STX8: variants seen among roughly 807,000 people sequenced by gnomAD.
The protein encoded by STX8 is syntaxin-8.
In STX8, 23 loss-of-function variants were observed where a neutral mutation model predicts 37.5. That is an observed-to-expected ratio of 0.61 (90% confidence interval 0.44 to 0.87). STX8 has a LOEUF of 0.87. Among genes scored for constraint, STX8 ranks in the 40% least tolerant of loss-of-function variants. The pLI, the probability that STX8 is intolerant of heterozygous loss-of-function variation, is 0.00. For missense variants in STX8, 313 were observed against 284.7 expected, an observed-to-expected ratio of 1.10 and a Z score of -0.71; for synonymous variants, 115 against 99.1, an observed-to-expected ratio of 1.16 and a Z score of -0.95.
chr17:9,252,708 T>C (rs939437897), intron 7 of STX8, among the ~76,000 whole-genome samples: 1 of 151,920 alleles, frequency 6.6e-6, no homozygotes, highest in African/African-American at 2.4e-5. Flanking sequence ...TGATATGGGC[T>C]CTTTCTCTGA....
At chr17:9,547,210 T>G (rs1289590643) in intron 3 of STX8, 6 of 145,474 alleles carry the variant, frequency 4.1e-5, no homozygotes, top group African/African-American at 1.6e-4. Context: ...ATCGCGCCAC[T>G]GCGCTCCAGC....
chr17:9,274,744 CTTTTTTCTTTTTTTTTTT>C lies in STX8; in HGVS notation c.644-24117_644-24100del, dbSNP rs1907607510. Among the ~76,000 whole-genome samples the C allele has an allele frequency of 2.3e-5, 2 of 88,884 alleles. 1 individual carries two copies. Among genetic ancestry groups the C allele is most frequent in the African/African-American group, 7.4e-5 (2 of 26,898 alleles). 58.3% of individuals were successfully genotyped at this position (88,884 alleles called of 152,430 possible). A position where few individuals can be genotyped will look rare whatever the true frequency, so the allele number is the denominator to read the frequency against. ...AAAGTCTTCAAAAATACAACAATTT[CTTTTTTCTTTTTTTTTTT>C]TTTTTTTGAGACGGAGTCTCGCTCT... is the stretch of plus-strand genomic sequence containing the variant. On this transcript the variant is annotated intron_variant, in intron 7 of 7. Coordinates refer to ENST00000306357, the MANE Select transcript of STX8 (RefSeq NM_004853.3).
chr17:9,489,366 T>C (rs1021879336), intron 6 of STX8, among the ~76,000 whole-genome samples: 11 of 152,180 alleles, frequency 7.2e-5, no homozygotes, highest in African/African-American at 2.7e-4. Context: ...GTGATTCTAA[T>C]ATGCAGCAAA....
At chr17:9,305,253 T>C (rs1908938529) in intron 7 of STX8, among the ~76,000 whole-genome samples, 1 of 151,872 alleles carries the variant, frequency 6.6e-6, no homozygotes, top group Non-Finnish European at 1.5e-5. Context: ...CCACCACGCC[T>C]GGCTAATTTT....
rs552786340 is a variant in STX8 at position 9,250,797 on chromosome 17, G to A, written c.644-152C>T. ...AGAGAGGTGGTCGGTGGCCTGGGGC[G>A]CCGCTGCTGCTACACAGCTCTGGCT... is the stretch of plus-strand genomic sequence containing the variant. On this transcript the variant is annotated intron_variant, in intron 7 of 7. Coordinates refer to ENST00000306357, the MANE Select transcript of STX8 (RefSeq NM_004853.3). 88 of 760,166 alleles carry A rather than the reference G, an allele frequency of 1.2e-4. 1 individual carries two copies. Among genetic ancestry groups the A allele is most frequent in the Admixed American group, 2.0e-4 (9 of 45,054 alleles). The allele number at this position is 760,166 out of a possible 1,614,324, so 47.1% of individuals were successfully genotyped here.
At chr17:9,562,196 G>A (rs886187524) in intron 2 of STX8, among the ~76,000 whole-genome samples, 3 of 151,928 alleles carry the variant, frequency 2.0e-5, no homozygotes, top group Non-Finnish European at 4.4e-5. Context: ...AAGGTCAGGA[G>A]ATCGAGATCA....
At chr17:9,304,915 GA>G (rs1200902556) in intron 7 of STX8, among the ~76,000 whole-genome samples, 3,390 of 134,520 alleles carry the variant, frequency 0.025, 114 homozygotes, top group African/African-American at 0.091. Flanking sequence ...ATATATGGGC[GA>G]AAAAAAAAAT....
chr17:9,395,719 G>A (rs1912377839), intron 6 of STX8, among the ~76,000 whole-genome samples: 1 of 152,044 alleles, frequency 6.6e-6, no homozygotes, highest in South Asian at 2.1e-4. Context: ...GCCTTCTCTT[G>A]GAAGCAAATA....
chr17:9,401,385 T>C (rs1209634043), intron 6 of STX8, among the ~76,000 whole-genome samples: 1 of 152,190 alleles, frequency 6.6e-6, no homozygotes, highest in African/African-American at 2.4e-5. Flanking sequence ...GGTAATACAA[T>C]TTTGAAGCAC....
At chr17:9,452,035 A>G (rs1246027890) in intron 6 of STX8, among the ~76,000 whole-genome samples, 1 of 152,246 alleles carries the variant, frequency 6.6e-6, no homozygotes. Context: ...TACTGGAGTC[A>G]AATAATAATG....
At chr17:9,395,295 A>C (rs1487870990) in intron 6 of STX8, among the ~76,000 whole-genome samples, 1 of 152,024 alleles carries the variant, frequency 6.6e-6, no homozygotes, top group African/African-American at 2.4e-5. Context: ...GGAATCCTAA[A>C]TTGTGCTTAA....
chr17:9,258,479 T>A (rs1340128329), intron 7 of STX8, among the ~76,000 whole-genome samples: 2 of 152,204 alleles, frequency 1.3e-5, no homozygotes, highest in Non-Finnish European at 2.9e-5. Flanking sequence ...TGTGCTCTGC[T>A]GGGGGACCCA....
At chr17:9,319,763 C>T (rs1327878487) in intron 7 of STX8, among the ~76,000 whole-genome samples, 1 of 151,202 alleles carries the variant, frequency 6.6e-6, no homozygotes, top group Non-Finnish European at 1.5e-5. Context: ...CCAGCCTGAC[C>T]AACATGGTGA....
At chr17:9,406,055 C>T (rs904474898) in intron 6 of STX8, among the ~76,000 whole-genome samples, 10 of 152,154 alleles carry the variant, frequency 6.6e-5, no homozygotes, top group Middle Eastern at 3.2e-3. Context: ...GGATTTTGCA[C>T]CTGCTGGCAT....
chr17:9,293,799 T>C (rs1032599556), intron 7 of STX8, among the ~76,000 whole-genome samples: 5 of 151,760 alleles, frequency 3.3e-5, no homozygotes, highest in Non-Finnish European at 5.9e-5. Context: ...TCTCTGTCTG[T>C]CGCCCAGGCT....
intron 6 of STX8, among the ~76,000 whole-genome samples, chr17:9,488,815 A>AGT (rs1293010664): frequency 1.2e-4 from 12 of 97,750 alleles, no homozygotes; most frequent in African/African-American, 4.7e-4. Context: ...AGAGAGAGAG[A>AGT]GAGAGAGTGT....
chr17:9,306,343 G>T (rs1479615917), intron 7 of STX8, among the ~76,000 whole-genome samples: 1 of 152,148 alleles, frequency 6.6e-6, no homozygotes, highest in Non-Finnish European at 1.5e-5. Flanking sequence ...TCTCAAAGCA[G>T]TTACTCACTT....
intron 4 of STX8, among the ~76,000 whole-genome samples, chr17:9,526,353 A>C (rs993057030): frequency 9.2e-5 from 14 of 151,984 alleles, no homozygotes; most frequent in African/African-American, 2.9e-4. Flanking sequence ...AAAGTCAAAC[A>C]CACATGGGAG....
chr17:9,538,082 T>G (rs1281171398), intron 4 of STX8, among the ~76,000 whole-genome samples: 1 of 152,208 alleles, frequency 6.6e-6, no homozygotes, highest in East Asian at 1.9e-4. Flanking sequence ...TCCTTACCTA[T>G]TTTTCATTAA....
Sources: allele counts gnomAD v4.1 joint callset (sites outside exome capture counted in the v4.1 genomes callset), GRCh38; gene constraint gnomAD v4.1.1; transcripts MANE v1.5; gene names NCBI Gene and HGNC (gene_info 2026-07-23, HGNC 2026-07-21).